Variants in HEATR4 observed in about 807,000 individuals in gnomAD.
HEATR4 encodes the protein HEAT repeat-containing protein 4.
A neutral mutation model predicts 108.8 loss-of-function variants in HEATR4; 95 were observed. The observed-to-expected ratio is 0.87, with a 90% CI of 0.74 to 1.04. The LOEUF (loss-of-function observed/expected upper bound fraction) is 1.04, where lower values mean the gene tolerates loss of function less well. HEATR4 is among the 50% of genes least tolerant of loss of function. HEATR4 has a pLI of 0.00. For synonymous variants in HEATR4, 443 were observed against 459.4 expected (o/e 0.96, Z 0.46); for missense variants, 1,152 against 1,253.8 (o/e 0.92, Z 1.23).
chr14:73,612,601 G>C, the HEATR4 span: 7 of 1,414,022 alleles, frequency 5.0e-6, no homozygotes, highest in African/African-American at 4.5e-5. Flanking sequence ...TGGAGCCCGC[G>C]GGCCGCTGCT....
chr14:73,536,027 C>G (rs1160631581), intron 1 of HEATR4, among the ~76,000 whole-genome samples: 1 of 115,966 alleles, frequency 8.6e-6, no homozygotes, highest in African/African-American at 2.8e-5. Context: ...CCTGAGACTT[C>G]TATGCACAGA....
intron 17 of HEATR4, chr14:73,490,992 G>T (rs1157517684): frequency 9.7e-6 from 13 of 1,346,910 alleles, no homozygotes; most frequent in Non-Finnish European, 1.2e-5. Context: ...GGCCGGCCGG[G>T]CGGGGAAGAC....
chr14:73,611,353 T>C, the HEATR4 span, among the ~76,000 whole-genome samples: 1 of 152,182 alleles, frequency 6.6e-6, no homozygotes, highest in Admixed American at 6.5e-5. Context: ...CCACAAACCA[T>C]AGGTTCCTTC....
intron 17 of HEATR4, chr14:73,490,955 T>G: frequency 7.8e-7 from 1 of 1,288,756 alleles, no homozygotes; most frequent in Non-Finnish European, 9.9e-7. Context: ...AGCCGCTGCA[T>G]TCAGGAACCG....
rs1566832340 is a variant in HEATR4, at chr14:73,509,864, ATATATT to A, written c.1559-397_1559-392del. On this transcript the variant is annotated intron_variant, in intron 7 of 17. Transcript: ENST00000553558. ...TATATATATATATATATATATATAT[ATATATT>A]TATTTATTTTATATATTTTTTGAGA... 1.6e-3 allele frequency among the ~76,000 whole-genome samples: 110 copies of A among 67,790 alleles called. 2 individuals are homozygous for A. The highest frequency in any genetic ancestry group is 2.8e-3 in the African/African-American group (46 of 16,214). 44.5% of individuals were successfully genotyped at this position (67,790 alleles called of 152,430 possible).
At chr14:73,562,222 G>A (rs1407750527), upstream of HEATR4, among the ~76,000 whole-genome samples, 7 of 152,106 alleles carry the variant, frequency 4.6e-5, no homozygotes, top group South Asian at 2.1e-4. Flanking sequence ...TGGAGGGACC[G>A]GCTGGAGCCG....
At chr14:73,579,646 G>A in the HEATR4 span, among the ~76,000 whole-genome samples, 281 of 151,426 alleles carry the variant, frequency 1.9e-3, 2 homozygotes, top group Non-Finnish European at 3.4e-3. Flanking sequence ...TAAACACCTG[G>A]GCTCAGGCAA....
At chr14:73,491,222 G>A in intron 17 of HEATR4, 3 of 1,594,306 alleles carry the variant, frequency 1.9e-6, no homozygotes, top group Non-Finnish European at 2.6e-6. Flanking sequence ...ATCGAGGGTG[G>A]AGTCGACGGC....
chr14:73,548,936 TTCTCTC>T, intron 1 of HEATR4, among the ~76,000 whole-genome samples: 1 of 113,182 alleles, frequency 8.8e-6, no homozygotes, highest in African/African-American at 2.9e-5. Flanking sequence ...CCTCACATCT[TTCTCTC>T]TCTCTCTCTT....
intron 12 of HEATR4, among the ~76,000 whole-genome samples, chr14:73,500,305 A>G (rs1230244596): frequency 6.6e-6 from 1 of 150,892 alleles, no homozygotes; most frequent in Non-Finnish European, 1.5e-5. Flanking sequence ...TAGCTCATCA[A>G]CTATCGTTAG....
chr14:73,536,456 G>A (rs1426681141), intron 1 of HEATR4, among the ~76,000 whole-genome samples: 1 of 101,072 alleles, frequency 9.9e-6, no homozygotes, highest in African/African-American at 3.3e-5. Flanking sequence ...TTGTAAGTGC[G>A]CAGTGATGGT....
chr14:73,602,496 C>T, the HEATR4 span, among the ~76,000 whole-genome samples: 1 of 152,194 alleles, frequency 6.6e-6, no homozygotes, highest in African/African-American at 2.4e-5. Context: ...CACCCCGCTT[C>T]TCACTATCTT....
rs543162370 is a variant in HEATR4 at position 73,482,829 on chromosome 14, T to C, written c.2845-3987A>G. Reference sequence around the variant, plus strand: ...ACACACCACCATGCCCAGTTAGTTTTTGTATTTTTAGTAGAGATGGGGGTT... The same window carrying C: ...ACACACCACCATGCCCAGTTAGTTTCTGTATTTTTAGTAGAGATGGGGGTT... On this transcript the variant is annotated intron_variant, in intron 17 of 17. Transcript: ENST00000553558. Among the ~76,000 whole-genome samples the C allele has an allele frequency of 1.6e-4, 25 of 152,272 alleles. No individual in the cohort carries two copies. In the East Asian group the frequency reaches 4.6e-3, roughly 28 times the overall value.
the HEATR4 span, among the ~76,000 whole-genome samples, chr14:73,584,385 C>G: frequency 3.9e-5 from 6 of 151,988 alleles, no homozygotes; most frequent in Admixed American, 6.6e-5. Context: ...TCTGAGGAGG[C>G]AAGAACTGAA....
the HEATR4 span, among the ~76,000 whole-genome samples, chr14:73,614,088 C>T: frequency 6.7e-6 from 1 of 149,938 alleles, no homozygotes. Context: ...GTAGTCCCAG[C>T]TGCTTGGGAG....
chr14:73,481,022 A>AAAAAGAAAG (rs1555387002), intron 17 of HEATR4: 2 of 152,060 alleles, frequency 1.3e-5, no homozygotes, highest in Non-Finnish European at 2.9e-5. Context: ...TCTCAAAAAA[A>AAAAAGAAAG]AAAGAAAGAA....
Position 73,478,817 on chromosome 14 carries a change from G to A in HEATR4, c.2870C>T (p.Pro957Leu), listed in dbSNP as rs754159325. ...GCCTGGGACTGAACTTTGTAACCAGGGATTTGGTGCGCGGGGCTTCACAGG... is the reference window on the plus strand; with the variant it reads ...GCCTGGGACTGAACTTTGTAACCAGAGATTTGGTGCGCGGGGCTTCACAGG... ...IKPVKPRAPN[P>L]WLQSSVPGLT... Residue 957 changes from proline to leucine, a missense_variant, in exon 18 of 18, where the codon CCC becomes CTC. Pro to Leu is a moderately conservative substitution (Grantham distance 98, BLOSUM62 -3). Coordinates refer to ENST00000553558, the MANE Select transcript of HEATR4 (RefSeq NM_001220484.1). The A allele has an allele frequency of 5.0e-6, 8 of 1,608,720 alleles. No individual in the cohort carries two copies. The highest frequency in any genetic ancestry group is 6.8e-6 in the Non-Finnish European group (8 of 1,177,116).
the HEATR4 span, among the ~76,000 whole-genome samples, chr14:73,594,095 T>C: frequency 5.9e-5 from 9 of 152,232 alleles, no homozygotes; most frequent in African/African-American, 2.2e-4. Flanking sequence ...AATTGTAAAA[T>C]CCACATGAGA....
intron 1 of HEATR4, among the ~76,000 whole-genome samples, chr14:73,541,122 C>T (rs1889072728): frequency 8.8e-6 from 1 of 113,410 alleles, no homozygotes; most frequent in African/African-American, 3.0e-5. Context: ...TGGAGTCATT[C>T]AGAATGAGTA....
Sources: allele counts gnomAD v4.1 joint callset (sites outside exome capture counted in the v4.1 genomes callset), GRCh38; gene constraint gnomAD v4.1.1; transcripts MANE v1.5; gene names NCBI Gene and HGNC (gene_info 2026-07-23, HGNC 2026-07-21).